The following EZH2 variants were observed in gnomAD, a reference collection of about 807,000 sequenced individuals.
EZH2 encodes enhancer of zeste 2 polycomb repressive complex 2 subunit.
Under a neutral mutation model 98.4 loss-of-function variants are expected in EZH2, and 18 were observed. The observed-to-expected ratio is 0.18, with a 90% CI of 0.13 to 0.27. The LOEUF (loss-of-function observed/expected upper bound fraction) is 0.27, where lower values mean the gene tolerates loss of function less well. Ranked by LOEUF, EZH2 falls within the 10% of genes least tolerant of loss-of-function variation. The pLI is 1.00. For synonymous variants in EZH2, 338 were observed against 312.3 expected (o/e 1.08, Z -0.87); for missense variants, 470 against 935.1 (o/e 0.50, Z 6.49).
chr7:148,820,551 G>C (rs1273251938), intron 8 of EZH2, among the ~76,000 whole-genome samples: 8 of 123,380 alleles, frequency 6.5e-5, no homozygotes, highest in Non-Finnish European at 1.1e-4. Context: ...GAAAAGGAAG[G>C]AAAAAAAAAA....
At chr7:148,850,463 T>C in intron 1 of EZH2, 1 of 967,870 alleles carries the variant, frequency 1.0e-6, no homozygotes, top group South Asian at 4.8e-5. Flanking sequence ...CCTAATAAAG[T>C]ATATCATGAA....
Position 148,847,112 on chromosome 7 carries a change from T to G in EZH2, c.117+70A>C, listed in dbSNP as rs1052731365. On this transcript the variant is annotated intron_variant, in intron 2 of 19. Coordinates refer to ENST00000320356, the MANE Select transcript of EZH2 (RefSeq NM_004456.5). ...GCTAGAATTATTTTAAATAAAAACT[T>G]ATTGAACTTAGGAGGGGAAAAAACC... 1.4e-5 allele frequency: 21 copies of G among 1,517,668 alleles called. No individual in the cohort carries two copies. The Admixed American group carries it at 4.3e-4, about 31-fold the overall frequency. The allele number at this position is 1,517,668 out of a possible 1,614,324, so 94.0% of individuals were successfully genotyped here.
At chr7:148,807,845 A>G (rs1434802894) in intron 19 of EZH2, 139 bp from the exon 20 acceptor site, 4 of 623,578 alleles carry the variant, frequency 6.4e-6, no homozygotes, top group African/African-American at 1.9e-5. Flanking sequence ...AACCCATCCA[A>G]TTACACAGCT....
At chr7:148,849,552 G>A (rs1457635038) in intron 1 of EZH2, among the ~76,000 whole-genome samples, 1 of 152,132 alleles carries the variant, frequency 6.6e-6, no homozygotes, top group Non-Finnish European at 1.5e-5. Context: ...GTTTCCAAGT[G>A]TGGCCTTGCC....
chr7:148,815,594 A>G (rs1352895287), intron 12 of EZH2, 48 bp from the exon 13 acceptor site: 7 of 1,558,862 alleles, frequency 4.5e-6, no homozygotes, highest in Non-Finnish European at 5.3e-6. Flanking sequence ...GGGAAGCTAC[A>G]AATCCAACAG....
intron 2 of EZH2, among the ~76,000 whole-genome samples, chr7:148,846,837 ACTGTGT>A (rs1326724270): frequency 1.4e-5 from 1 of 72,110 alleles, no homozygotes; most frequent in African/African-American, 5.7e-5. Flanking sequence ...TTCTTTGTTG[ACTGTGT>A]GTGTGTGTGT....
intron 2 of EZH2, 39 bp from the exon 3 acceptor site, chr7:148,846,637 T>C (rs371669370): frequency 1.9e-6 from 3 of 1,587,246 alleles, no homozygotes; most frequent in Non-Finnish European, 2.6e-6. Context: ...GGAGAAATTG[T>C]TCATTGTTAG....
chr7:148,881,162 A>G (rs913203906), intron 1 of EZH2, among the ~76,000 whole-genome samples: 2 of 152,226 alleles, frequency 1.3e-5, no homozygotes, highest in African/African-American at 2.4e-5. Context: ...TAATCCATAA[A>G]TCATTGCTAA....
At chr7:148,830,499 GA>G (rs983336053) in intron 4 of EZH2, among the ~76,000 whole-genome samples, 2 of 149,502 alleles carry the variant, frequency 1.3e-5, no homozygotes, top group African/African-American at 4.9e-5. Flanking sequence ...AAGGTAAAAT[GA>G]AAAAAAAATG....
At chr7:148,839,455 GGAACCTTTAA>G (rs1811848977) in intron 3 of EZH2, among the ~76,000 whole-genome samples, 1 of 148,652 alleles carries the variant, frequency 6.7e-6, no homozygotes, top group South Asian at 2.2e-4. Flanking sequence ...AAAGACTTTT[GGAACCTTTAA>G]GAAAGACAAA....
chr7:148,819,716 A>T, intron 8 of EZH2, 29 bp from the exon 9 acceptor site: 1 of 1,581,942 alleles, frequency 6.3e-7, no homozygotes, highest in South Asian at 1.1e-5. Context: ...AAAGAATCTA[A>T]TATAACTATA....
At chr7:148,854,629 G>A (rs1816495632) in intron 1 of EZH2, among the ~76,000 whole-genome samples, 1 of 152,064 alleles carries the variant, frequency 6.6e-6, no homozygotes, top group African/African-American at 2.4e-5. Context: ...GCTATGTAAG[G>A]TCAAATCCAA....
chr7:148,883,805 G>C (rs1821388284), intron 1 of EZH2, among the ~76,000 whole-genome samples: 1 of 151,424 alleles, frequency 6.6e-6, no homozygotes, highest in South Asian at 2.1e-4. Flanking sequence ...CTTGAGGCTC[G>C]AGCTGCCACC....
intron 2 of EZH2, among the ~76,000 whole-genome samples, 155 bp downstream of exon 2, chr7:148,847,027 A>G (rs1316499769): frequency 6.6e-6 from 1 of 152,218 alleles, no homozygotes; most frequent in Non-Finnish European, 1.5e-5. Flanking sequence ...TATAATGTTA[A>G]GACAGATCAA....
intron 1 of EZH2, among the ~76,000 whole-genome samples, chr7:148,863,083 CAAAA>C (rs11295626): frequency 7.7e-5 from 9 of 117,358 alleles, no homozygotes; most frequent in Admixed American, 1.8e-4. Flanking sequence ...GACCCTGTCT[CAAAA>C]AAAAAAAAAA....
In EZH2 at chr7:148,846,601, TA is replaced by T. The variant is rs3214332; in HGVS notation, c.118-4del. 987,852 of 1,445,220 alleles carry T rather than the reference TA, an allele frequency of 0.68. 315,451 individuals carry two copies. The highest frequency in any genetic ancestry group is 0.91 in the African/African-American group (63,254 of 69,450). 89.5% of individuals were successfully genotyped at this position (1,445,220 alleles called of 1,614,324 possible). The stretch of plus-strand genomic sequence containing the variant: ...TGACGATTGGAACTAAACATACTCT[TA>T]AAAAAAAAAATGAAGGAGAGGAAAG... On this transcript the variant is annotated splice_region_variant and splice_polypyrimidine_tract_variant and intron_variant, in intron 2 of 19. Transcript: ENST00000320356.
At chr7:148,837,998 C>A (rs372941349) in intron 3 of EZH2, among the ~76,000 whole-genome samples, 4 of 148,570 alleles carry the variant, frequency 2.7e-5, no homozygotes, top group African/African-American at 7.4e-5. Flanking sequence ...TTCCAAGGGG[C>A]GGGGAATGAT....
rs1426509356 is a variant in EZH2, at chr7:148,814,927, T to C, written c.1659A>G (p.Gln553=). Residue 553 remains glutamine (Q), a synonymous_variant, in exon 14 of 20, where the codon CAA becomes CAG. Coordinates refer to ENST00000320356, the MANE Select transcript of EZH2 (RefSeq NM_004456.5). The stretch of plus-strand genomic sequence containing the variant: ...ACAAATACTTACACTCTGAACTACA[T>C]TGACAAAACTTTTCACAAAAATTTT... ...IAQNFCEKFC[Q]CSSECQNRFP... The C allele has an allele frequency of 1.7e-5, 28 of 1,612,938 alleles. No individual in the cohort carries two copies. Among genetic ancestry groups the C allele is most frequent in the Middle Eastern group, 1.9e-4 (1 of 5,162 alleles).
intron 16 of EZH2, among the ~76,000 whole-genome samples, chr7:148,811,195 G>A (rs914557802): frequency 6.6e-6 from 1 of 152,206 alleles, no homozygotes; most frequent in African/African-American, 2.4e-5. Flanking sequence ...AGGCCGGAGT[G>A]CAGTGGCACA....
Sources: allele counts gnomAD v4.1 joint callset (sites outside exome capture counted in the v4.1 genomes callset), GRCh38; gene constraint gnomAD v4.1.1; transcripts MANE v1.5; gene names NCBI Gene and HGNC (gene_info 2026-07-23, HGNC 2026-07-21).